Variants in LOXL2 observed in about 807,000 individuals in gnomAD.
LOXL2 encodes lysyl oxidase like 2.
LOXL2 carries 70 observed loss-of-function variants against 93.0 expected under a neutral mutation model. The observed-to-expected ratio is 0.75, with a 90% CI of 0.62 to 0.92. The LOEUF is 0.92. Among genes scored for constraint, LOXL2 ranks in the 40% least tolerant of loss-of-function variants. The pLI is 0.00. For missense variants in LOXL2, 973 were observed against 1,054.9 expected (o/e 0.92, Z 1.08); for synonymous variants, 438 against 413.2 (o/e 1.06, Z -0.73).
chr8:23,376,330 G>A (rs1283159757), intron 1 of LOXL2, among the ~76,000 whole-genome samples: 22 of 152,190 alleles, frequency 1.4e-4, no homozygotes, highest in Non-Finnish European at 2.6e-4. Flanking sequence ...GTGCTGCTGG[G>A]TTCAGTTTGT....
chr8:23,372,717 G>A (rs568436229), intron 1 of LOXL2, among the ~76,000 whole-genome samples: 42 of 152,242 alleles, frequency 2.8e-4, no homozygotes, highest in African/African-American at 8.2e-4. Flanking sequence ...TCTTCTAAAC[G>A]TACGTGCATA....
intron 5 of LOXL2, 77 bp downstream of exon 5, chr8:23,333,324 G>A: frequency 7.4e-7 from 1 of 1,351,720 alleles, no homozygotes; most frequent in Non-Finnish European, 1.1e-6. Flanking sequence ...ACTCTCCTGG[G>A]GGATCCTGCC....
At position 23,333,392 on chromosome 8, in the gene LOXL2, C is replaced by T. The variant is rs559695729; in HGVS notation, c.966+9G>A. ...TGCCAAGTGGCCACACCTCGTGCCC[C>T]GTCCTCACCTCTGGCTTGTACGCTT... On this transcript the variant is annotated intron_variant, in intron 5 of 13. Coordinates refer to ENST00000389131, the MANE Select transcript of LOXL2 (RefSeq NM_002318.3). 2.3e-5 allele frequency: 37 copies of T among 1,613,372 alleles called. No homozygotes were observed. The highest frequency in any genetic ancestry group is 4.5e-5 in the East Asian group (2 of 44,880).
chr8:23,370,374 T>C (rs1804475246), intron 1 of LOXL2, among the ~76,000 whole-genome samples: 1 of 152,110 alleles, frequency 6.6e-6, no homozygotes, highest in Non-Finnish European at 1.5e-5. Context: ...GCTGGTGCTT[T>C]ACATTGTTGT....
At chr8:23,326,460 A>G (rs1260866446) in intron 6 of LOXL2, among the ~76,000 whole-genome samples, 1 of 152,170 alleles carries the variant, frequency 6.6e-6, no homozygotes, top group Non-Finnish European at 1.5e-5. Context: ...AGGGATAGTC[A>G]AGATCCAGGG....
In LOXL2 at chr8:23,319,811, G is replaced by A. The variant is rs1001268249; in HGVS notation, c.1470+74C>T. The A allele has an allele frequency of 8.7e-6, 13 of 1,491,798 alleles. No individual in the cohort carries two copies. The East Asian group carries it at 1.4e-4, about 16-fold the overall frequency. 92.4% of individuals were successfully genotyped at this position (1,491,798 alleles called of 1,614,324 possible). ...ACGGCTAGGGAGGGTACGTGGGAGAGGGGGGCTGACTGAAGACAGTGTGGT... is the reference window on the plus strand; with the variant it reads ...ACGGCTAGGGAGGGTACGTGGGAGAAGGGGGCTGACTGAAGACAGTGTGGT... On this transcript the variant is annotated intron_variant, in intron 8 of 13. Transcript: ENST00000389131.
At chr8:23,302,999 C>T (rs928744078) in intron 11 of LOXL2, among the ~76,000 whole-genome samples, 37 of 152,126 alleles carry the variant, frequency 2.4e-4, no homozygotes, top group African/African-American at 8.9e-4. Context: ...CTGCTAAGCC[C>T]AGATGGAGCA....
At chr8:23,352,811 C>T (rs1032432615) in intron 3 of LOXL2, among the ~76,000 whole-genome samples, 11 of 151,972 alleles carry the variant, frequency 7.2e-5, no homozygotes, top group East Asian at 3.9e-4. Flanking sequence ...CTGTCCTCAT[C>T]GTCCCTCTGT....
At chr8:23,379,904 C>T (rs998276122) in intron 1 of LOXL2, among the ~76,000 whole-genome samples, 4 of 152,176 alleles carry the variant, frequency 2.6e-5, no homozygotes, top group African/African-American at 7.2e-5. Flanking sequence ...GGGGATGCCT[C>T]GCCTTGCTTC....
chr8:23,318,960 T>C lies in LOXL2; in HGVS notation c.1470+925A>G, dbSNP rs553564394. ...GCCCATGGGAGACAGTCAGGCTCAG[T>C]AAGGATGCAGGAATTCTCCTCTTCT... On this transcript the variant is annotated intron_variant, in intron 8 of 13. Transcript: ENST00000389131. Among the ~76,000 whole-genome samples, 4 of 152,278 alleles carry C rather than the reference T, an allele frequency of 2.6e-5. No individual in the cohort carries two copies. The South Asian group carries it at 8.3e-4, about 32-fold the overall frequency.
chr8:23,399,389 G>A (rs917626333), intron 1 of LOXL2, among the ~76,000 whole-genome samples: 1 of 152,216 alleles, frequency 6.6e-6, no homozygotes, highest in African/African-American at 2.4e-5. Flanking sequence ...GCAGTTTTGA[G>A]AGGTGGGGCC....
At chr8:23,302,935 G>A (rs915687036) in intron 11 of LOXL2, among the ~76,000 whole-genome samples, 1 of 152,142 alleles carries the variant, frequency 6.6e-6, no homozygotes, top group Non-Finnish European at 1.5e-5. Flanking sequence ...TGGGACACCA[G>A]AAAAAAGGTT....
At chr8:23,340,875 C>T (rs1050247636) in intron 4 of LOXL2, 117 bp downstream of exon 4, 1 of 936,560 alleles carries the variant, frequency 1.1e-6, no homozygotes, top group Non-Finnish European at 1.7e-6. Context: ...CCTGCAGGGA[C>T]ACCAGCTTGC....
At chr8:23,337,149 A>C (rs1017247880) in intron 4 of LOXL2, 1 of 152,220 alleles carries the variant, frequency 6.6e-6, no homozygotes, top group Non-Finnish European at 1.5e-5. Context: ...CAACCAGCCA[A>C]CACCACAGGT....
At chr8:23,313,095 G>A in intron 9 of LOXL2, among the ~76,000 whole-genome samples, 1 of 151,756 alleles carries the variant, frequency 6.6e-6, no homozygotes, top group Middle Eastern at 3.2e-3. Context: ...ACTTACAAGG[G>A]ATGTGAAGGA....
intron 5 of LOXL2, chr8:23,331,587 A>G (rs1803678303): frequency 1.3e-5 from 2 of 152,152 alleles, no homozygotes; most frequent in African/African-American, 4.8e-5. Flanking sequence ...CTCACAAGAT[A>G]TTCGCTGTTT....
intron 1 of LOXL2, among the ~76,000 whole-genome samples, chr8:23,392,021 C>T (rs370842845): frequency 2.0e-5 from 3 of 152,336 alleles, no homozygotes; most frequent in African/African-American, 4.8e-5. Flanking sequence ...CAGCAGACCT[C>T]GCCCTTGGCT....
At chr8:23,318,186 A>C (rs74343322) in intron 8 of LOXL2, among the ~76,000 whole-genome samples, 6 of 142,448 alleles carry the variant, frequency 4.2e-5, no homozygotes, top group East Asian at 4.0e-4. Flanking sequence ...AAAAAAAAAA[A>C]AACCCAAAAA....
At chr8:23,330,415 G>A (rs909401474) in intron 5 of LOXL2, among the ~76,000 whole-genome samples, 1 of 152,118 alleles carries the variant, frequency 6.6e-6, no homozygotes, top group Admixed American at 6.6e-5. Flanking sequence ...CTGGCTGGCT[G>A]CAACCTCTGT....
Sources: gnomAD v4.1 joint callset for allele counts (sites outside exome capture counted in the v4.1 genomes callset) on GRCh38, gnomAD v4.1.1 for gene constraint, MANE v1.5 for transcripts, NCBI Gene and HGNC (gene_info 2026-07-23, HGNC 2026-07-21) for gene names.